Variants in STAT2 observed in about 807,000 individuals in gnomAD.
STAT2 encodes signal transducer and activator of transcription 2.
Under a neutral mutation model 122.3 loss-of-function variants are expected in STAT2, and 51 were observed. The ratio of observed to expected loss-of-function variants is 0.42; its 90% CI spans 0.33 to 0.53. The LOEUF (loss-of-function observed/expected upper bound fraction) is 0.53, where lower values mean the gene tolerates loss of function less well. Ranked by LOEUF, STAT2 falls within the 20% of genes least tolerant of loss-of-function variation. The pLI is 0.10. For synonymous variants in STAT2, 351 were observed against 394.9 expected, an observed-to-expected ratio of 0.89 and a Z score of 1.32; for missense variants, 736 against 1,010.3, an observed-to-expected ratio of 0.73 and a Z score of 3.68.
chr12:56,351,265 C>T (rs1194681470), intron 9 of STAT2, 27 bp downstream of exon 9: 6 of 1,612,452 alleles, frequency 3.7e-6, no homozygotes, highest in Non-Finnish European at 5.1e-6. Context: ...CCTTCTTTCC[C>T]CCAGGGTTCC....
chr12:56,354,016 A>AATATATATATATATATATATATATATAT (rs1555171512), intron 8 of STAT2, among the ~76,000 whole-genome samples: 9 of 16,694 alleles, frequency 5.4e-4, no homozygotes, highest in Admixed American at 1.4e-3. Flanking sequence ...AAAAAAAAAA[A>AATATATATATATATATATATATATATAT]ATATATATAT....
At chr12:56,356,028 T>G (rs1281503011) in intron 3 of STAT2, 104 bp downstream of exon 3, 7 of 1,491,034 alleles carry the variant, frequency 4.7e-6, no homozygotes, top group South Asian at 1.3e-5. Flanking sequence ...CCACATTTGT[T>G]CCCGTCTCCC....
Position 56,350,146 on chromosome 12 carries a change from G to T in STAT2, c.1160C>A (p.Thr387Asn). The change falls in exon 13 of 24, where the codon ACC becomes AAC. Residue 387 changes from threonine (T) to asparagine (N), a missense_variant. Transcript: ENST00000314128. Reference protein sequence around the residue: ...NILTSNQKTLTPEKGQSQGLI... With the variant: ...NILTSNQKTLNPEKGQSQGLI... ...ACCCTGACTCTGCCCCTTCTCGGGG[G>T]TCAAAGTTTTCTGGTTTGAAGTCAG... 1 of 1,613,420 alleles carries T rather than the reference G, an allele frequency of 6.2e-7. No individual in the cohort carries two copies. The highest frequency in any genetic ancestry group is 8.5e-7 in the Non-Finnish European group (1 of 1,179,850).
chr12:56,357,578 C>T (rs1879710143), intron 1 of STAT2, among the ~76,000 whole-genome samples: 1 of 152,046 alleles, frequency 6.6e-6, no homozygotes, highest in African/African-American at 2.4e-5. Flanking sequence ...ATCTCCTGAA[C>T]TCGTGATCTG....
At position 56,349,644 on chromosome 12, in the gene STAT2, T is replaced by C. The variant is rs774003401; in HGVS notation, c.1210-8A>G. 1.2e-6 allele frequency: 2 copies of C among 1,613,982 alleles called. No individual in the cohort carries two copies. The highest frequency in any genetic ancestry group is 1.7e-6 in the Non-Finnish European group (2 of 1,180,028). On this transcript the variant is annotated splice_region_variant and splice_polypyrimidine_tract_variant and intron_variant, in intron 13 of 23. Transcript: ENST00000314128. ...ACGTTGCTCCACCAGAGTCTGTGAA[T>C]TGAAGGGAAGGAGAGAAAATGCCAG...
chr12:56,350,086 A>G lies in STAT2; in HGVS notation c.1209+11T>C. ...ATAGTAATAAAAGCATAGGTCACAA[A>G]CTATTCTTACCAGGTAACCAAAGTC... On this transcript the variant is annotated intron_variant, in intron 13 of 23. Transcript: ENST00000314128. 1 of 1,601,384 alleles carries G rather than the reference A, an allele frequency of 6.2e-7. No homozygotes were observed. The highest frequency in any genetic ancestry group is 8.5e-7 in the Non-Finnish European group (1 of 1,171,058).
At chr12:56,347,090 T>A (rs80261339) in intron 19 of STAT2, 135 bp from the exon 20 acceptor site, 1 of 1,300,060 alleles carries the variant, frequency 7.7e-7, no homozygotes, top group Non-Finnish European at 1.0e-6. Flanking sequence ...GCCACTTAGC[T>A]TTTTTTTATC....
chr12:56,352,393 G>T, intron 8 of STAT2: 1 of 125,744 alleles, frequency 8.0e-6, no homozygotes, highest in Non-Finnish European at 1.7e-5. Context: ...GGGTGGGGGT[G>T]GTTTCTGGCA....
rs751279183 is a variant in STAT2, at chr12:56,346,564, A to G, written c.1922T>C (p.Leu641Pro). ...YTKEVLQSLP[L>P]TEIIRHYQLL... ...CTGGTAATGGCGGATGATTTCAGTC[A>G]GCGGGAGTGACTGCAGCACCTCCTT... Residue 641 changes from leucine (L) to proline (P), a missense_variant, in exon 21 of 24, where the codon CTG becomes CCG. Physicochemically the swap from Leu to Pro is moderately conservative, Grantham distance 98. Coordinates refer to ENST00000314128, the MANE Select transcript of STAT2 (RefSeq NM_005419.4). 1 of 1,614,224 alleles carries G rather than the reference A, an allele frequency of 6.2e-7. No individual in the cohort carries two copies. The highest frequency in any genetic ancestry group is 8.5e-7 in the Non-Finnish European group (1 of 1,180,044).
Position 56,349,619 on chromosome 12 carries a change from A to G in STAT2, c.1227T>C (p.Arg409=). 6.2e-7 allele frequency: 1 copy of G among 1,614,126 alleles called. No homozygotes were observed. ...DFGYLTLVEQ[R]SGGSGKGSNK... is the part of the protein sequence containing the mutation. The stretch of plus-strand genomic sequence containing the variant: ...TGCTGCCCTTTCCTGAACCACCTGA[A>G]CGTTGCTCCACCAGAGTCTGTGAAT... Residue 409 remains arginine (R), a synonymous_variant, in exon 14 of 24, where the codon CGT becomes CGC. Transcript: ENST00000314128.
At position 56,358,249 on chromosome 12, in the gene STAT2, T is replaced by C. The variant is rs932508020; in HGVS notation, c.-7-1671A>G. ...TCTGAAGCTTTTTTTTTTCTTTTTT[T>C]TTTTTTCTTTTTTTGAGATGGAGTC... is the stretch of plus-strand genomic sequence containing the variant. On this transcript the variant is annotated intron_variant, in intron 1 of 23. Transcript: ENST00000314128. Among the ~76,000 whole-genome samples, 6 of 150,502 alleles carry C rather than the reference T, an allele frequency of 4.0e-5. No individual in the cohort carries two copies. The East Asian group carries it at 7.8e-4, about 20-fold the overall frequency.
intron 21 of STAT2, 75 bp downstream of exon 21, chr12:56,346,367 A>T: frequency 6.3e-7 from 1 of 1,584,746 alleles, no homozygotes; most frequent in Non-Finnish European, 8.6e-7. Context: ...CCCATGCTTT[A>T]AAGGAAGGAG....
At chr12:56,357,560 T>C (rs1879707315) in intron 1 of STAT2, among the ~76,000 whole-genome samples, 1 of 151,934 alleles carries the variant, frequency 6.6e-6, no homozygotes, top group Admixed American at 6.6e-5. Context: ...TTAGCCAGGA[T>C]GGTCTCGATC....
At chr12:56,352,614 G>C (rs200391585) in intron 8 of STAT2, among the ~76,000 whole-genome samples, 42 of 103,944 alleles carry the variant, frequency 4.0e-4, no homozygotes, top group African/African-American at 3.3e-3. Context: ...ATCAATCAAT[G>C]CATGCATGCA....
rs779990362 is a variant in STAT2, at chr12:56,343,999, G to T, written c.2239C>A (p.Leu747Met). 3.1e-6 allele frequency: 5 copies of T among 1,614,144 alleles called. No homozygotes were observed. The South Asian group carries it at 3.3e-5, about 11-fold the overall frequency. Residue 747 changes from leucine to methionine, a missense_variant, in exon 23 of 24, where the codon CTG (leucine) becomes ATG (methionine). Physicochemically the swap from Leu to Met is conservative, Grantham distance 15 (BLOSUM62 2). Transcript: ENST00000314128. ...AGCACAGACTCTAGCTCTGGCCCCA[G>T]ATCCAGCCCTGCCTTCAGCAGTGGC... ...LEPLLKAGLDLGPELESVLES... is the reference protein window; with the variant it reads ...LEPLLKAGLDMGPELESVLES...
At chr12:56,351,642 T>A (rs1374091423) in intron 8 of STAT2, among the ~76,000 whole-genome samples, 192 bp from the exon 9 acceptor site, 1 of 152,192 alleles carries the variant, frequency 6.6e-6, no homozygotes, top group Non-Finnish European at 1.5e-5. Flanking sequence ...AAAGCTATTT[T>A]CACATATAAA....
chr12:56,343,801 C>G, intron 23 of STAT2, 24 bp downstream of exon 23: 1 of 1,612,002 alleles, frequency 6.2e-7, no homozygotes, highest in Non-Finnish European at 8.5e-7. Flanking sequence ...GTGCCATCTT[C>G]CATAGCTCCA....
intron 19 of STAT2, 117 bp from the exon 20 acceptor site, chr12:56,347,072 C>T (rs1326313168): frequency 1.4e-6 from 2 of 1,441,314 alleles, no homozygotes. Context: ...GGCTTTGGAC[C>T]AAGCCCTGCC....
At chr12:56,346,240 T>C in intron 21 of STAT2, 37 bp from the exon 22 acceptor site, 1 of 1,612,988 alleles carries the variant, frequency 6.2e-7, no homozygotes, top group Non-Finnish European at 8.5e-7. Context: ...AGAAGATCAG[T>C]GGGCCAGACA....
Sources: gnomAD v4.1 joint callset for allele counts (sites outside exome capture counted in the v4.1 genomes callset) on GRCh38, gnomAD v4.1.1 for gene constraint, MANE v1.5 for transcripts, NCBI Gene and HGNC (gene_info 2026-07-23, HGNC 2026-07-21) for gene names.